The following MYO6 variants were observed in gnomAD, a reference collection of about 807,000 sequenced individuals.
The protein encoded by MYO6 is myosin VI, also known as unconventional myosin-VI.
In MYO6, 74 loss-of-function variants were observed where a neutral mutation model predicts 178.7. That is an observed-to-expected ratio of 0.41 (90% confidence interval 0.34 to 0.50). The LOEUF (loss-of-function observed/expected upper bound fraction) is 0.50. Among genes scored for constraint, MYO6 ranks in the 20% least tolerant of loss-of-function variants. MYO6 has a pLI of 0.09. For missense variants in MYO6, 1,330 were observed against 1,547.4 expected, an observed-to-expected ratio of 0.86 and a Z score of 2.36; for synonymous variants, 477 against 504.6, an observed-to-expected ratio of 0.95 and a Z score of 0.73.
intron 11 of MYO6, among the ~76,000 whole-genome samples, chr6:75,852,209 G>T (rs1192176483): frequency 6.6e-6 from 1 of 151,718 alleles, no homozygotes; most frequent in African/African-American, 2.4e-5. Flanking sequence ...TTATTTGATG[G>T]TCAATTTTTT....
intron 33 of MYO6, among the ~76,000 whole-genome samples, 164 bp from the exon 34 acceptor site, chr6:75,913,899 T>A (rs1257720653): frequency 3.4e-4 from 52 of 152,212 alleles, no homozygotes. Flanking sequence ...AGTAACACTC[T>A]GAATTTTATT....
chr6:75,808,769 G>A (rs1770368570), intron 1 of MYO6, among the ~76,000 whole-genome samples: 1 of 152,120 alleles, frequency 6.6e-6, no homozygotes, highest in Non-Finnish European at 1.5e-5. Context: ...AGGTGGTCAG[G>A]GCACAACTTG....
intron 1 of MYO6, among the ~76,000 whole-genome samples, chr6:75,758,227 C>T (rs1015080296): frequency 5.9e-5 from 9 of 151,994 alleles, no homozygotes; most frequent in African/African-American, 2.2e-4. Context: ...AATTAGAGAA[C>T]TACTAGCTTA....
chr6:75,886,995 G>T lies in MYO6; in HGVS notation c.2658+1G>T. On this transcript the variant is annotated splice_donor_variant, in intron 25 of 34. Coordinates refer to ENST00000369977, the MANE Select transcript of MYO6 (RefSeq NM_004999.4). LOFTEE classifies it high-confidence loss of function. ...TGATACTTTGATGGCCAAAATTAAG[G>T]TATGTAATTTCAACCCGAATGACTT... is the stretch of plus-strand genomic sequence containing the variant. 6.2e-7 allele frequency: 1 copy of T among 1,611,604 alleles called. No homozygotes were observed. The highest frequency in any genetic ancestry group is 8.5e-7 in the Non-Finnish European group (1 of 1,178,042).
chr6:75,760,877 A>G (rs752764957), intron 1 of MYO6, among the ~76,000 whole-genome samples: 4 of 151,934 alleles, frequency 2.6e-5, no homozygotes, highest in Non-Finnish European at 4.4e-5. Context: ...TAGTTTTTCC[A>G]TGTTGTATTC....
chr6:75,890,006 T>G (rs1362281032), intron 25 of MYO6, 51 bp from the exon 26 acceptor site: 4 of 1,285,890 alleles, frequency 3.1e-6, no homozygotes, highest in Non-Finnish European at 4.5e-6. Flanking sequence ...CACATTGTTG[T>G]GCAACAGAAG....
At chr6:75,807,504 C>T (rs889624661) in intron 1 of MYO6, among the ~76,000 whole-genome samples, 1 of 151,918 alleles carries the variant, frequency 6.6e-6, no homozygotes, top group African/African-American at 2.4e-5. Flanking sequence ...TTTTACTAGT[C>T]TCATATTCAC....
intron 7 of MYO6, 79 bp downstream of exon 7, chr6:75,836,035 C>T: frequency 1.0e-6 from 1 of 961,792 alleles, no homozygotes; most frequent in South Asian, 1.3e-5. Flanking sequence ...GAATGTTCTT[C>T]TCTCAGAGAT....
At chr6:75,840,546 C>T (rs186512746) in intron 7 of MYO6, 39 bp from the exon 8 acceptor site, 3 of 1,337,058 alleles carry the variant, frequency 2.2e-6, no homozygotes, top group African/African-American at 2.9e-5. Context: ...AATGTTCCGT[C>T]ATGCTAATTT....
At chr6:75,796,556 A>G (rs913902269) in intron 1 of MYO6, among the ~76,000 whole-genome samples, 1 of 151,906 alleles carries the variant, frequency 6.6e-6, no homozygotes, top group African/African-American at 2.4e-5. Flanking sequence ...ACAGTACCCA[A>G]TAGGTAGTTT....
intron 30 of MYO6, among the ~76,000 whole-genome samples, chr6:75,899,974 G>T (rs1254991645): frequency 2.7e-5 from 4 of 146,698 alleles, no homozygotes; most frequent in Non-Finnish European, 6.0e-5. Context: ...CTATGAGTGA[G>T]AATATGTGGT....
chr6:75,771,969 G>A (rs1241656151), intron 1 of MYO6, among the ~76,000 whole-genome samples: 2 of 152,094 alleles, frequency 1.3e-5, no homozygotes, highest in Non-Finnish European at 2.9e-5. Flanking sequence ...GGTATCTTGT[G>A]GAGGAGTTAA....
At chr6:75,816,448 C>T (rs1771255668) in intron 1 of MYO6, among the ~76,000 whole-genome samples, 1 of 152,234 alleles carries the variant, frequency 6.6e-6, no homozygotes, top group Non-Finnish European at 1.5e-5. Flanking sequence ...CTCAAGCAGT[C>T]CTCCTGCCTC....
chr6:75,850,790 A>C (rs1359267743), intron 11 of MYO6, among the ~76,000 whole-genome samples: 1 of 152,182 alleles, frequency 6.6e-6, no homozygotes, highest in African/African-American at 2.4e-5. Context: ...ACGCGAGTTA[A>C]ATATTTGTAA....
rs58697772 is a variant in MYO6 at position 75,805,021 on chromosome 6, A to ATTTTT, written c.-47-12464_-47-12460dup. 2.7e-3 allele frequency among the ~76,000 whole-genome samples: 206 copies of ATTTTT among 77,288 alleles called. 22 individuals are homozygous for ATTTTT. The highest frequency in any genetic ancestry group is 0.02 in the African/African-American group (196 of 9,850). 50.7% of individuals were successfully genotyped at this position (77,288 alleles called of 152,430 possible). A position where few individuals can be genotyped will look rare whatever the true frequency, so the allele number is the denominator to read the frequency against. On this transcript the variant is annotated intron_variant, in intron 1 of 34. Transcript: ENST00000369977. ...CACACACATATATATATATATATAT[A>ATTTTT]TTTTTTTTTTTTTTTTTTTTGAGAC...
intron 1 of MYO6, among the ~76,000 whole-genome samples, chr6:75,776,653 A>AGTGTGTGTGTGTGTGTGTGT (rs35830759): frequency 2.8e-5 from 4 of 144,758 alleles, no homozygotes; most frequent in African/African-American, 1.0e-4. Context: ...AGAAACGTGC[A>AGTGTGTGTGTGTGTGTGTGT]GTGTGTGTGT....
intron 1 of MYO6, among the ~76,000 whole-genome samples, chr6:75,783,368 T>G (rs1767181045): frequency 6.6e-6 from 1 of 152,234 alleles, no homozygotes; most frequent in Non-Finnish European, 1.5e-5. Context: ...TTGGGTTCAC[T>G]GAACCGGTAA....
intron 5 of MYO6, among the ~76,000 whole-genome samples, chr6:75,830,958 C>G (rs1773015746): frequency 6.6e-6 from 1 of 152,126 alleles, no homozygotes; most frequent in South Asian, 2.1e-4. Context: ...GAGTGTGTTA[C>G]TTGGGCTAGA....
In MYO6 at chr6:75,766,032, A is replaced by G. The variant is rs142788446; in HGVS notation, c.-48+16609A>G. 3.1e-3 allele frequency among the ~76,000 whole-genome samples: 466 copies of G among 152,204 alleles called. 3 individuals are homozygous for G. The highest frequency in any genetic ancestry group is 0.02 in the Middle Eastern group (6 of 294). ...AACAGAGTGAGACTCCGTCTCAAAGAAAAAAGCAGGCTGGGCATGGTGGCT... is the reference window on the plus strand; with the variant it reads ...AACAGAGTGAGACTCCGTCTCAAAGGAAAAAGCAGGCTGGGCATGGTGGCT... On this transcript the variant is annotated intron_variant, in intron 1 of 34. Transcript: ENST00000369977.
Sources: allele counts gnomAD v4.1 joint callset (sites outside exome capture counted in the v4.1 genomes callset), GRCh38; gene constraint gnomAD v4.1.1; transcripts MANE v1.5; gene names NCBI Gene and HGNC (gene_info 2026-07-23, HGNC 2026-07-21).